Variants in RNF207 observed in about 807,000 individuals in gnomAD.
RNF207 encodes the protein OTTHUMG00000001089.
In RNF207, 72 loss-of-function variants were observed where a neutral mutation model predicts 79.0. That is an observed-to-expected ratio of 0.91 (90% CI 0.75 to 1.11). The LOEUF (loss-of-function observed/expected upper bound fraction) is 1.11. RNF207 is among the 50% of genes least tolerant of loss of function. The pLI is 0.00. For missense variants in RNF207, 936 were observed against 855.8 expected (o/e 1.09, Z -1.17); for synonymous variants, 348 against 366.2 (o/e 0.95, Z 0.57).
At position 6,219,455 on chromosome 1, in the gene RNF207, C is replaced by T; in HGVS notation, c.*48C>T. ...TCAGGCTCTTAGAGCAGGCACAAGA[C>T]TGGGACACTGGACAGAAGGTTGTTC... On this transcript the variant is annotated 3_prime_UTR_variant, in exon 18 of 18. Coordinates refer to ENST00000377939, the MANE Select transcript of RNF207 (RefSeq NM_207396.3). The T allele has an allele frequency of 7.4e-7, 1 of 1,349,956 alleles. No homozygotes were observed. Among genetic ancestry groups the T allele is most frequent in the Non-Finnish European group, 1.0e-6 (1 of 976,752 alleles). The allele number at this position is 1,349,956 out of a possible 1,614,324, so 83.6% of individuals were successfully genotyped here. A position where few individuals can be genotyped will look rare whatever the true frequency, so the allele number is the denominator to read the frequency against.
Position 6,212,283 on chromosome 1 carries a change from G to T in RNF207, c.1349G>T (p.Arg450Leu). ...SLKDQVQELH[R>L]DLTKHHSLIK... ...AAGGACCAGGTACAGGAGCTGCACC[G>T]AGACCTCACCAAGCACCACTCGCTC... is the stretch of plus-strand genomic sequence containing the variant. The change falls in exon 14 of 18, where the codon CGA becomes CTA. Residue 450 changes from arginine to leucine, a missense_variant. Arg to Leu is a moderately radical substitution (Grantham distance 102). Coordinates refer to ENST00000377939, the MANE Select transcript of RNF207 (RefSeq NM_207396.3). 1 of 1,612,946 alleles carries T rather than the reference G, an allele frequency of 6.2e-7. No homozygotes were observed. Among genetic ancestry groups the T allele is most frequent in the Non-Finnish European group, 8.5e-7 (1 of 1,179,632 alleles).
chr1:6,214,393 G>C (rs1245624371), intron 16 of RNF207, among the ~76,000 whole-genome samples: 1 of 151,598 alleles, frequency 6.6e-6, no homozygotes, highest in Non-Finnish European at 1.5e-5. Flanking sequence ...CTTCAGTTTT[G>C]GCATATTTCT....
intron 3 of RNF207, chr1:6,208,586 C>A (rs1395382176): frequency 4.9e-6 from 2 of 408,162 alleles, no homozygotes; most frequent in Non-Finnish European, 4.4e-6. Flanking sequence ...GGATTACAGG[C>A]GTGAGCCACC....
At chr1:6,208,574 T>C (rs1238738692) in intron 3 of RNF207, 2 of 345,908 alleles carry the variant, frequency 5.8e-6, no homozygotes, top group African/African-American at 4.4e-5. Flanking sequence ...CCCAAATTGT[T>C]GGGATTACAG....
In RNF207 at chr1:6,217,647, C is replaced by G. The variant is rs1405483087; in HGVS notation, c.1653-642C>G. Among the ~76,000 whole-genome samples, 1 of 152,206 alleles carries G rather than the reference C, an allele frequency of 6.6e-6. No individual in the cohort carries two copies. Among genetic ancestry groups the G allele is most frequent in the Non-Finnish European group, 1.5e-5 (1 of 68,036 alleles). ...CTTCATTTCCAACCCACCCCCAAGT[C>G]CTGCTGGCTCTACTGTTCCTGCCTC... On this transcript the variant is annotated intron_variant, in intron 16 of 17. Coordinates refer to ENST00000377939, the MANE Select transcript of RNF207 (RefSeq NM_207396.3). This position sits in a 1 kb window ranked among gnomAD's most constrained non-coding sequence, Gnocchi z 4.2.
At position 6,219,955 on chromosome 1, in the gene RNF207, C is replaced by G. The variant is rs1386253968; in HGVS notation, c.*548C>G. 1 of 150,284 alleles carries G rather than the reference C, an allele frequency of 6.7e-6. No individual in the cohort carries two copies. The highest frequency in any genetic ancestry group is 1.5e-5 in the Non-Finnish European group (1 of 67,964). 9.3% of individuals were successfully genotyped at this position (150,284 alleles called of 1,614,324 possible). ...GGGATTACAGGCATGTACCATCACACCCGGCTAATTTTTTGTATTTTAAGT... is the reference window on the plus strand; with the variant it reads ...GGGATTACAGGCATGTACCATCACAGCCGGCTAATTTTTTGTATTTTAAGT... On this transcript the variant is annotated 3_prime_UTR_variant, in exon 18 of 18. Transcript: ENST00000377939.
Position 6,220,620 on chromosome 1 carries a change from T to C in RNF207, c.*1213T>C, listed in dbSNP as rs1668518267. The stretch of plus-strand genomic sequence containing the variant: ...CCTGGCCAGCTTATGTGGCAGATGG[T>C]CTCAGTTACAACTTCGCTGCTTTCC... On this transcript the variant is annotated 3_prime_UTR_variant, in exon 18 of 18. Transcript: ENST00000377939. 1 of 152,200 alleles carries C rather than the reference T, an allele frequency of 6.6e-6. No homozygotes were observed. Among genetic ancestry groups the C allele is most frequent in the South Asian group, 2.1e-4 (1 of 4,828 alleles). The allele number at this position is 152,200 out of a possible 1,614,324, so 9.4% of individuals were successfully genotyped here. A position where few individuals can be genotyped will look rare whatever the true frequency, so the allele number is the denominator to read the frequency against.
At position 6,208,913 on chromosome 1, in the gene RNF207, C is replaced by T. The variant is rs1190891465; in HGVS notation, c.357C>T (p.Cys119=). 91 of 1,533,434 alleles carry T rather than the reference C, an allele frequency of 5.9e-5. No homozygotes were observed. The highest frequency in any genetic ancestry group is 7.5e-5 in the Non-Finnish European group (86 of 1,145,142). 95.0% of individuals were successfully genotyped at this position (1,533,434 alleles called of 1,614,324 possible). A position where few individuals can be genotyped will look rare whatever the true frequency, so the allele number is the denominator to read the frequency against. ...AGACCACGTACTTCTGCAACACGTG[C>T]GGACAGCCCCTATGCGCGCGCTGCC... ...DVETTYFCNT[C]GQPLCARCRD... is the part of the protein sequence containing the mutation. The change falls in exon 4 of 18, where the codon TGC becomes TGT. Residue 119 remains cysteine (C), a synonymous_variant. Coordinates refer to ENST00000377939, the MANE Select transcript of RNF207 (RefSeq NM_207396.3).
chr1:6,208,858 C>T (rs1237726143), intron 3 of RNF207, 23 bp from the exon 4 acceptor site: 4 of 1,521,218 alleles, frequency 2.6e-6, no homozygotes, highest in African/African-American at 2.8e-5. Flanking sequence ...TCTGGCGCTC[C>T]TGAGCCCGCG....
Position 6,207,522 on chromosome 1 carries a change from C to A in RNF207, c.324+11C>A. On this transcript the variant is annotated intron_variant, in intron 3 of 17. Transcript: ENST00000377939. The surrounding 1 kb of genome is among the most constrained non-coding windows in gnomAD (Gnocchi z 4.5). ...GAGTGCAGCGAGCAGGCAGGGGCGGCAGGGCGGGTGGGTGAGGAGCAGAGG... is the reference window on the plus strand; with the variant it reads ...GAGTGCAGCGAGCAGGCAGGGGCGGAAGGGCGGGTGGGTGAGGAGCAGAGG... 6.3e-7 allele frequency: 1 copy of A among 1,592,206 alleles called. No homozygotes were observed. The highest frequency in any genetic ancestry group is 2.3e-5 in the East Asian group (1 of 44,230).
chr1:6,213,139 C>A lies in RNF207; in HGVS notation c.1608C>A (p.Pro536=). 6.2e-7 allele frequency: 1 copy of A among 1,613,324 alleles called. No homozygotes were observed. Among genetic ancestry groups the A allele is most frequent in the South Asian group, 1.1e-5 (1 of 91,000 alleles). ...YLTTITKQIT[P]YVRSIAKVKE... ...CCACCATCACCAAGCAGATCACGCC[C>A]TACGTCCGCTCCATTGCCAAGGTGA... is the stretch of plus-strand genomic sequence containing the variant. The change falls in exon 16 of 18, where the codon CCC becomes CCA. Residue 536 remains proline (P), a synonymous_variant. Transcript: ENST00000377939.
chr1:6,216,501 C>T (rs68032129), intron 16 of RNF207, among the ~76,000 whole-genome samples: 5,004 of 152,192 alleles, frequency 0.033, 93 homozygotes, highest in Middle Eastern at 0.058. Context: ...CGAGCCCTCC[C>T]GTAGGTCCAG....
In RNF207 at chr1:6,219,328, T is replaced by C; in HGVS notation, c.1826T>C (p.Leu609Pro). ...CCGAACGGCCTCTCAGAAGAGCCTC[T>C]ACTGAAAAATATGGATCATCACAGA... Reference protein sequence around the residue: ...WAPNGLSEEPLLKNMDHHRSK... With the variant: ...WAPNGLSEEPPLKNMDHHRSK... The change falls in exon 18 of 18, where the codon CTA becomes CCA. Residue 609 changes from leucine to proline, a missense_variant. By Grantham distance (98) the Leu-to-Pro change is moderately conservative. Transcript: ENST00000377939. 2 of 1,613,428 alleles carry C rather than the reference T, an allele frequency of 1.2e-6. No homozygotes were observed. The highest frequency in any genetic ancestry group is 1.7e-6 in the Non-Finnish European group (2 of 1,179,800).
At chr1:6,216,521 C>T (rs1420852283) in intron 16 of RNF207, among the ~76,000 whole-genome samples, 3 of 152,040 alleles carry the variant, frequency 2.0e-5, no homozygotes, top group Non-Finnish European at 4.4e-5. Context: ...GGCCTCCTCC[C>T]TTGGCCTCTC....
Position 6,209,257 on chromosome 1 carries a change from G to A in RNF207, c.552-11G>A. The A allele has an allele frequency of 6.5e-7, 1 of 1,549,406 alleles. No individual in the cohort carries two copies. The highest frequency in any genetic ancestry group is 2.0e-5 in the Admixed American group (1 of 51,010). On this transcript the variant is annotated splice_polypyrimidine_tract_variant and intron_variant, in intron 5 of 17. Transcript: ENST00000377939. ...GCCGCTGGAGCGGGCCTCACCCGCC[G>A]CCTTCTGCAGGGAGAGCCGGGCACA...
chr1:6,219,166 A>T, intron 17 of RNF207, 70 bp from the exon 18 acceptor site: 4 of 1,423,704 alleles, frequency 2.8e-6, no homozygotes, highest in Non-Finnish European at 3.8e-6. Context: ...CTTTGGCCCA[A>T]GTGGATTTTA....
At position 6,212,215 on chromosome 1, in the gene RNF207, C is replaced by A; in HGVS notation, c.1297-16C>A. On this transcript the variant is annotated splice_polypyrimidine_tract_variant and intron_variant, in intron 13 of 17. Coordinates refer to ENST00000377939, the MANE Select transcript of RNF207 (RefSeq NM_207396.3). The stretch of plus-strand genomic sequence containing the variant: ...GCCTAGGGTGACCCACGCTCTCACA[C>A]AGCCTCTCTGTGCAGCACCTGCAGG... The A allele has an allele frequency of 6.2e-7, 1 of 1,606,764 alleles. No homozygotes were observed.
chr1:6,213,977 G>A (rs970544402), intron 16 of RNF207, among the ~76,000 whole-genome samples: 2 of 152,244 alleles, frequency 1.3e-5, no homozygotes, highest in African/African-American at 4.8e-5. Flanking sequence ...GTGGTGAAGT[G>A]CCTGTCAGGT....
At position 6,211,194 on chromosome 1, in the gene RNF207, A is replaced by C; in HGVS notation, c.1109+76A>C. ...GGGGGAGGGTGGGCGCTGAGGGGCC[A>C]GATCGCCAGCAAGAAGCCAGGTGCC... On this transcript the variant is annotated intron_variant, in intron 12 of 17. Coordinates refer to ENST00000377939, the MANE Select transcript of RNF207 (RefSeq NM_207396.3). This position sits in a 1 kb window ranked among gnomAD's most constrained non-coding sequence, Gnocchi z 4.2. 9.9e-7 allele frequency: 1 copy of C among 1,008,340 alleles called. No individual in the cohort carries two copies. The highest frequency in any genetic ancestry group is 1.4e-6 in the Non-Finnish European group (1 of 692,234). The allele number at this position is 1,008,340 out of a possible 1,614,324, so 62.5% of individuals were successfully genotyped here.
Sources: allele counts gnomAD v4.1 joint callset (sites outside exome capture counted in the v4.1 genomes callset), GRCh38; gene constraint gnomAD v4.1.1; non-coding constraint Gnocchi (gnomAD v3.1); transcripts MANE v1.5; gene names NCBI Gene and HGNC (gene_info 2026-07-23, HGNC 2026-07-21).